Variants in GRID2 observed in about 807,000 individuals in gnomAD.
The protein encoded by GRID2 is glutamate ionotropic receptor delta type subunit 2.
In GRID2, 33 loss-of-function variants were observed where a neutral mutation model predicts 114.8. That is an observed-to-expected ratio of 0.29 (90% CI 0.22 to 0.38). GRID2 has a LOEUF of 0.38. Among genes scored for constraint, GRID2 ranks in the 10% least tolerant of loss-of-function variants. GRID2 has a pLI of 1.00. For missense variants in GRID2, 1,184 were observed against 1,257.7 expected (o/e 0.94, Z 0.89); for synonymous variants, 505 against 449.9 (o/e 1.12, Z -1.55).
intron 2 of GRID2, among the ~76,000 whole-genome samples, chr4:92,862,370 A>G (rs1744589185): frequency 6.6e-6 from 1 of 152,078 alleles, no homozygotes; most frequent in Non-Finnish European, 1.5e-5. Context: ...CATGATATAA[A>G]TTTATTTCTC....
At chr4:93,247,876 C>T (rs1274780191) in intron 8 of GRID2, among the ~76,000 whole-genome samples, 1 of 152,058 alleles carries the variant, frequency 6.6e-6, no homozygotes, top group Non-Finnish European at 1.5e-5. Context: ...TCCATACTCT[C>T]AGAGAACATT....
chr4:92,357,395 A>T (rs1403980816), intron 1 of GRID2, among the ~76,000 whole-genome samples: 1 of 151,910 alleles, frequency 6.6e-6, no homozygotes, highest in Non-Finnish European at 1.5e-5. Flanking sequence ...CAGAAACACA[A>T]AATAATATTT....
chr4:92,956,020 T>C (rs1752382848), intron 2 of GRID2, among the ~76,000 whole-genome samples: 1 of 152,138 alleles, frequency 6.6e-6, no homozygotes, highest in Admixed American at 6.6e-5. Flanking sequence ...CGCCTGGACT[T>C]TCTGGAGCTC....
intron 2 of GRID2, among the ~76,000 whole-genome samples, chr4:93,004,541 G>A (rs1721311317): frequency 6.6e-6 from 1 of 151,992 alleles, no homozygotes; most frequent in South Asian, 2.1e-4. Context: ...TGAATCCCGA[G>A]TTTCTCCTTT....
At position 92,966,527 on chromosome 4, in the gene GRID2, G is replaced by A. The variant is rs142538712; in HGVS notation, c.245-118468G>A. On this transcript the variant is annotated intron_variant, in intron 2 of 15. Coordinates refer to ENST00000282020, the MANE Select transcript of GRID2 (RefSeq NM_001510.4). ...CACCTTGAATTGTAATAATCCCCAC[G>A]TGTCAAGGGCAGGGCCAGGTGGAAA... 1.4e-4 allele frequency among the ~76,000 whole-genome samples: 22 copies of A among 151,876 alleles called. No individual in the cohort carries two copies. In the East Asian group the frequency reaches 3.7e-3, roughly 25 times the overall value.
intron 1 of GRID2, among the ~76,000 whole-genome samples, chr4:92,569,214 A>G (rs1025461920): frequency 6.6e-6 from 1 of 151,664 alleles, no homozygotes; most frequent in Non-Finnish European, 1.5e-5. Flanking sequence ...TAAGTGAGAA[A>G]AGGTGGCACT....
chr4:93,458,942 G>A (rs1018845749), intron 11 of GRID2, among the ~76,000 whole-genome samples: 7 of 151,970 alleles, frequency 4.6e-5, no homozygotes, highest in African/African-American at 1.7e-4. Flanking sequence ...CACTTTGGGA[G>A]GCCGAGGCAG....
At chr4:93,770,540 A>G (rs1439262466) in intron 15 of GRID2, among the ~76,000 whole-genome samples, 1 of 152,220 alleles carries the variant, frequency 6.6e-6, no homozygotes, top group African/African-American at 2.4e-5. Context: ...TTTATAAGGA[A>G]AAGCTTGGCT....
At chr4:93,352,945 G>T (rs991117146) in intron 8 of GRID2, among the ~76,000 whole-genome samples, 1 of 151,948 alleles carries the variant, frequency 6.6e-6, no homozygotes, top group African/African-American at 2.4e-5. Flanking sequence ...GATGTATTGT[G>T]GTCAACAGAA....
intron 4 of GRID2, among the ~76,000 whole-genome samples, chr4:93,116,467 T>C (rs1204800414): frequency 6.6e-6 from 1 of 152,198 alleles, no homozygotes; most frequent in African/African-American, 2.4e-5. Context: ...ATCACTCAGC[T>C]TCAGGTTTCT....
At chr4:93,075,381 A>G (rs1729168857) in intron 2 of GRID2, among the ~76,000 whole-genome samples, 1 of 152,200 alleles carries the variant, frequency 6.6e-6, no homozygotes, top group Non-Finnish European at 1.5e-5. Context: ...TCAATTGTGA[A>G]AAACTGAATA....
intron 1 of GRID2, among the ~76,000 whole-genome samples, chr4:92,367,850 C>T (rs1469539404): frequency 1.3e-5 from 2 of 152,080 alleles, no homozygotes; most frequent in African/African-American, 4.8e-5. Context: ...CATTGGACTG[C>T]ACATATATAA....
chr4:92,317,092 T>C (rs1328968097), intron 1 of GRID2, among the ~76,000 whole-genome samples: 3 of 152,214 alleles, frequency 2.0e-5, no homozygotes, highest in African/African-American at 7.2e-5. Flanking sequence ...ATATCAGATA[T>C]TGCATTAAGC....
At chr4:92,876,283 TTTTATTTA>T (rs34453618) in intron 2 of GRID2, among the ~76,000 whole-genome samples, 7 of 148,486 alleles carry the variant, frequency 4.7e-5, no homozygotes, top group Non-Finnish European at 7.5e-5. Flanking sequence ...TTTTTTATTA[TTTTATTTA>T]TTTATTTATT....
chr4:93,718,538 G>A (rs1443706022), intron 14 of GRID2, among the ~76,000 whole-genome samples: 2 of 151,992 alleles, frequency 1.3e-5, no homozygotes, highest in African/African-American at 4.8e-5. Context: ...CATGAAGGTA[G>A]GAATTTTTTC....
At chr4:92,722,749 G>A (rs1015034250) in intron 2 of GRID2, among the ~76,000 whole-genome samples, 2 of 152,090 alleles carry the variant, frequency 1.3e-5, no homozygotes, top group Non-Finnish European at 2.9e-5. Flanking sequence ...TGGGGTTAGA[G>A]AAGTGGGATG....
At chr4:93,126,080 T>A (rs1422901141) in intron 4 of GRID2, among the ~76,000 whole-genome samples, 1 of 152,200 alleles carries the variant, frequency 6.6e-6, no homozygotes, top group Admixed American at 6.5e-5. Context: ...CATATATCAT[T>A]CTGTTTTTAG....
chr4:92,564,613 A>G (rs1303406191), intron 1 of GRID2, among the ~76,000 whole-genome samples: 1 of 152,128 alleles, frequency 6.6e-6, no homozygotes, highest in East Asian at 1.9e-4. Context: ...AGTTTTGAAA[A>G]TAAAGAAATA....
At chr4:93,690,946 C>T (rs1230041755) in intron 14 of GRID2, among the ~76,000 whole-genome samples, 2 of 147,992 alleles carry the variant, frequency 1.4e-5, no homozygotes, top group African/African-American at 4.9e-5. Flanking sequence ...TATATTATAA[C>T]ATACATAATA....
Sources: allele counts gnomAD v4.1 joint callset (sites outside exome capture counted in the v4.1 genomes callset), GRCh38; gene constraint gnomAD v4.1.1; transcripts MANE v1.5; gene names NCBI Gene and HGNC (gene_info 2026-07-23, HGNC 2026-07-21).